The following RNF24 variants were observed in gnomAD, a reference collection of about 807,000 sequenced individuals.
RNF24 encodes the protein ring finger protein 24.
Under a neutral mutation model 20.0 loss-of-function variants are expected in RNF24, and 14 were observed. The observed-to-expected ratio is 0.70, with a 90% CI of 0.46 to 1.10. The LOEUF (loss-of-function observed/expected upper bound fraction) is 1.10. RNF24 is among the 50% of genes least tolerant of loss of function. The pLI is 0.00. For synonymous variants in RNF24, 45 were observed against 61.1 expected, an observed-to-expected ratio of 0.74 and a Z score of 1.23; for missense variants, 124 against 177.6, an observed-to-expected ratio of 0.70 and a Z score of 1.71.
intron 1 of RNF24, among the ~76,000 whole-genome samples, chr20:3,981,704 T>G (rs1979397071): frequency 2.0e-5 from 3 of 152,154 alleles, no homozygotes; most frequent in Non-Finnish European, 4.4e-5. Context: ...ATACATTACA[T>G]ATGAATTAGC....
chr20:4,009,371 CT>C (rs1982245222), intron 1 of RNF24, among the ~76,000 whole-genome samples: 1 of 152,082 alleles, frequency 6.6e-6, no homozygotes, highest in African/African-American at 2.4e-5. Context: ...GGATAGCCCC[CT>C]GGAGAGTTGC....
chr20:3,963,784 C>A, intron 2 of RNF24, 91 bp downstream of exon 2: 1 of 1,127,134 alleles, frequency 8.9e-7, no homozygotes, highest in Non-Finnish European at 1.2e-6. Flanking sequence ...TGCCAATTAT[C>A]ATACTTCATT....
At chr20:3,979,076 A>G (rs1979159876) in intron 1 of RNF24, among the ~76,000 whole-genome samples, 1 of 150,190 alleles carries the variant, frequency 6.7e-6, no homozygotes, top group South Asian at 2.1e-4. Flanking sequence ...CCTAGGCAAA[A>G]GAGTGAGACT....
intron 1 of RNF24, among the ~76,000 whole-genome samples, chr20:3,995,140 G>A (rs1980759168): frequency 6.6e-6 from 1 of 152,188 alleles, no homozygotes; most frequent in Non-Finnish European, 1.5e-5. Context: ...CCACCACGGG[G>A]ACTTGTAGGC....
chr20:3,966,446 G>C (rs996860159), intron 1 of RNF24, among the ~76,000 whole-genome samples: 1 of 143,630 alleles, frequency 7.0e-6, no homozygotes, highest in Non-Finnish European at 1.5e-5. Flanking sequence ...AAAACTCAAA[G>C]AGGACAAAAC....
chr20:4,013,763 G>T (rs1982653941), intron 1 of RNF24, among the ~76,000 whole-genome samples: 1 of 152,168 alleles, frequency 6.6e-6, no homozygotes, highest in Non-Finnish European at 1.5e-5. Context: ...GGGATTACAG[G>T]TGTGAGCCAC....
intron 4 of RNF24, among the ~76,000 whole-genome samples, chr20:3,943,531 AC>A (rs1884411142): frequency 6.6e-6 from 1 of 152,244 alleles, no homozygotes. Context: ...AAATACAGTC[AC>A]AAAAAATATG....
chr20:3,967,720 G>A (rs368122044), intron 1 of RNF24, among the ~76,000 whole-genome samples: 1 of 152,166 alleles, frequency 6.6e-6, no homozygotes, highest in East Asian at 1.9e-4. Context: ...GAAGTGCCGG[G>A]TGCAGTGGCT....
Position 3,931,485 on chromosome 20 carries a change from T to G in RNF24, c.*2578A>C, listed in dbSNP as rs989168193. 1 of 152,184 alleles carries G rather than the reference T, an allele frequency of 6.6e-6. No homozygotes were observed. The highest frequency in any genetic ancestry group is 6.5e-5 in the Admixed American group (1 of 15,278). The allele number at this position is 152,184 out of a possible 1,614,324, so 9.4% of individuals were successfully genotyped here. On this transcript the variant is annotated 3_prime_UTR_variant, in exon 6 of 6. Coordinates refer to ENST00000358395, the MANE Select transcript of RNF24 (RefSeq NM_001134337.3). Reference sequence around the variant, plus strand: ...GAGGATGTAAATTAAAAGGCCTGTTTGTCTGTACAGCAATGCAGATGCGCA... The same window carrying G: ...GAGGATGTAAATTAAAAGGCCTGTTGGTCTGTACAGCAATGCAGATGCGCA...
intron 1 of RNF24, among the ~76,000 whole-genome samples, chr20:3,976,926 T>C (rs941177176): frequency 6.6e-6 from 1 of 152,188 alleles, no homozygotes; most frequent in African/African-American, 2.4e-5. Flanking sequence ...TTACAGGAAA[T>C]TGTGAAAAGA....
chr20:3,952,167 C>T (rs2091089018), intron 2 of RNF24, among the ~76,000 whole-genome samples: 1 of 151,656 alleles, frequency 6.6e-6, no homozygotes, highest in Non-Finnish European at 1.5e-5. Context: ...AAAAAAAAAC[C>T]CTCTTGGGGT....
intron 1 of RNF24, among the ~76,000 whole-genome samples, chr20:4,003,239 G>T (rs1421703615): frequency 5.9e-5 from 9 of 152,182 alleles, no homozygotes; most frequent in Non-Finnish European, 1.3e-4. Flanking sequence ...AAAGTGCTGG[G>T]ATTACAGGCG....
At chr20:4,008,124 G>A (rs941570500) in intron 1 of RNF24, among the ~76,000 whole-genome samples, 1 of 149,338 alleles carries the variant, frequency 6.7e-6, no homozygotes, top group East Asian at 1.9e-4. Context: ...TGAGTTTCGT[G>A]TTTTACATAT....
intron 1 of RNF24, among the ~76,000 whole-genome samples, chr20:4,013,366 T>A (rs1036651534): frequency 1.3e-5 from 2 of 152,234 alleles, no homozygotes; most frequent in Admixed American, 6.5e-5. Flanking sequence ...ATGTGATTTT[T>A]AAAAATATTA....
rs1321468216 is a variant in RNF24 at position 3,928,203 on chromosome 20, A to AGAG, written c.*5857_*5859dup. 6 of 152,366 alleles carry AGAG rather than the reference A, an allele frequency of 3.9e-5. No homozygotes were observed. Among genetic ancestry groups the AGAG allele is most frequent in the African/African-American group, 1.4e-4 (6 of 41,582 alleles). 9.4% of individuals were successfully genotyped at this position (152,366 alleles called of 1,614,324 possible). On this transcript the variant is annotated 3_prime_UTR_variant, in exon 6 of 6. Coordinates refer to ENST00000358395, the MANE Select transcript of RNF24 (RefSeq NM_001134337.3). ...TACAGGAAAAGACACACCCAGGGCCAGAGATTCTACAAATGCCAGAAGAGT... is the reference window on the plus strand; with the variant it reads ...TACAGGAAAAGACACACCCAGGGCCAGAGGAGATTCTACAAATGCCAGAAGAGT...
intron 1 of RNF24, among the ~76,000 whole-genome samples, chr20:3,970,426 G>T (rs2091303193): frequency 6.6e-6 from 1 of 152,000 alleles, no homozygotes; most frequent in Non-Finnish European, 1.5e-5. Context: ...AAATGTCCAG[G>T]TTTCAACTAA....
chr20:4,004,008 G>A (rs187651467), intron 1 of RNF24, among the ~76,000 whole-genome samples: 5 of 152,222 alleles, frequency 3.3e-5, no homozygotes, highest in Non-Finnish European at 7.4e-5. Context: ...AAATTCATCA[G>A]CTCAACACTA....
intron 1 of RNF24, among the ~76,000 whole-genome samples, chr20:3,998,823 G>A (rs1217622987): frequency 1.3e-5 from 2 of 151,392 alleles, no homozygotes; most frequent in Non-Finnish European, 2.9e-5. Context: ...GCTCACACCT[G>A]TAATCCCAGG....
chr20:3,940,696 A>C (rs1387852706), intron 4 of RNF24, among the ~76,000 whole-genome samples: 1 of 152,188 alleles, frequency 6.6e-6, no homozygotes, highest in Non-Finnish European at 1.5e-5. Flanking sequence ...AGAAAGTGAT[A>C]CATTACTGGT....
Sources: gnomAD v4.1 joint callset for allele counts (sites outside exome capture counted in the v4.1 genomes callset) on GRCh38, gnomAD v4.1.1 for gene constraint, MANE v1.5 for transcripts, NCBI Gene and HGNC (gene_info 2026-07-23, HGNC 2026-07-21) for gene names.